Variants in CDK6 observed in about 807,000 individuals in gnomAD.
CDK6 encodes cyclin dependent kinase 6, also known as cyclin-dependent kinase 6.
Under a neutral mutation model 37.1 loss-of-function variants are expected in CDK6, and 6 were observed. That is an observed-to-expected ratio of 0.16 (90% CI 0.09 to 0.32). The LOEUF (loss-of-function observed/expected upper bound fraction) is 0.32. Ranked by LOEUF, CDK6 falls within the 10% of genes least tolerant of loss-of-function variation. The pLI is 1.00. For synonymous variants in CDK6, 160 were observed against 161.3 expected (o/e 0.99, Z 0.06); for missense variants, 224 against 418.9 (o/e 0.53, Z 4.06).
At chr7:92,632,347 C>T (rs1239701700) in intron 5 of CDK6, among the ~76,000 whole-genome samples, 1 of 152,066 alleles carries the variant, frequency 6.6e-6, no homozygotes, top group Non-Finnish European at 1.5e-5. Context: ...CAAAATGGAA[C>T]CAAAAGTATC....
At chr7:92,690,993 G>T (rs775742114) in intron 4 of CDK6, among the ~76,000 whole-genome samples, 9 of 152,228 alleles carry the variant, frequency 5.9e-5, no homozygotes, top group Admixed American at 3.3e-4. Flanking sequence ...TCACATTCAG[G>T]TAGTGGCTTT....
At chr7:92,701,294 T>C (rs1797835359) in intron 4 of CDK6, among the ~76,000 whole-genome samples, 1 of 152,230 alleles carries the variant, frequency 6.6e-6, no homozygotes, top group Non-Finnish European at 1.5e-5. Flanking sequence ...AAGTATATGT[T>C]GTAGAGATGC....
intron 6 of CDK6, among the ~76,000 whole-genome samples, chr7:92,621,409 G>A (rs1174205326): frequency 1.3e-5 from 2 of 152,096 alleles, no homozygotes; most frequent in Admixed American, 1.3e-4. Flanking sequence ...TGTTCCTTCT[G>A]GTCCATTTCA....
intron 5 of CDK6, among the ~76,000 whole-genome samples, chr7:92,668,305 G>C (rs1332534668): frequency 6.6e-6 from 1 of 152,098 alleles, no homozygotes. Flanking sequence ...GACAATGTTC[G>C]CAAAATGACA....
chr7:92,672,240 C>CATAT (rs1797105716), intron 4 of CDK6, among the ~76,000 whole-genome samples: 1 of 143,254 alleles, frequency 7.0e-6, no homozygotes, highest in East Asian at 2.2e-4. Context: ...CACACACACA[C>CATAT]ACATATATGA....
At chr7:92,787,268 G>C (rs1800168413) in intron 2 of CDK6, among the ~76,000 whole-genome samples, 1 of 149,714 alleles carries the variant, frequency 6.7e-6, no homozygotes, top group African/African-American at 2.5e-5. Flanking sequence ...TCTGCTATTT[G>C]CTCATCTAAA....
intron 4 of CDK6, among the ~76,000 whole-genome samples, chr7:92,674,087 C>CT (rs35748209): frequency 0.076 from 10,657 of 140,464 alleles, 499 homozygotes; most frequent in African/African-American, 0.14. Context: ...CCCCTTTCTT[C>CT]TTTTTTTTTT....
chr7:92,741,379 T>C (rs1665189574), intron 3 of CDK6, among the ~76,000 whole-genome samples: 1 of 152,244 alleles, frequency 6.6e-6, no homozygotes, highest in Admixed American at 6.5e-5. Flanking sequence ...AGTTTAAGTG[T>C]GTCCCATGCA....
At chr7:92,759,893 A>C (rs1187431738) in intron 3 of CDK6, among the ~76,000 whole-genome samples, 1 of 152,144 alleles carries the variant, frequency 6.6e-6, no homozygotes, top group Non-Finnish European at 1.5e-5. Flanking sequence ...TGCTGTTAGC[A>C]CTTCAAGTCT....
chr7:92,639,955 CT>C (rs1343227306), intron 5 of CDK6, among the ~76,000 whole-genome samples: 4 of 152,192 alleles, frequency 2.6e-5, no homozygotes, highest in Non-Finnish European at 5.9e-5. Context: ...TATAATTTTT[CT>C]GATTGCTCAT....
intron 2 of CDK6, among the ~76,000 whole-genome samples, chr7:92,779,027 T>G (rs1320350611): frequency 6.6e-6 from 1 of 151,262 alleles, no homozygotes; most frequent in Non-Finnish European, 1.5e-5. Flanking sequence ...AAAATACTGC[T>G]GAAACAAAAA....
intron 2 of CDK6, among the ~76,000 whole-genome samples, chr7:92,787,218 G>T (rs1800167087): frequency 1.3e-5 from 2 of 150,326 alleles, no homozygotes; most frequent in South Asian, 4.2e-4. Flanking sequence ...AATGTAGCCA[G>T]TGGCTATTTC....
At chr7:92,739,957 C>T (rs187269226) in intron 3 of CDK6, among the ~76,000 whole-genome samples, 177 of 152,164 alleles carry the variant, frequency 1.2e-3, no homozygotes, top group African/African-American at 4.2e-3. Flanking sequence ...CAGAGTCTTG[C>T]TATGTTGCCC....
intron 4 of CDK6, among the ~76,000 whole-genome samples, chr7:92,688,451 T>C (rs1175975798): frequency 1.3e-5 from 2 of 152,192 alleles, no homozygotes; most frequent in Non-Finnish European, 2.9e-5. Context: ...TGTGACTCAG[T>C]AGTTCAAGAC....
chr7:92,696,639 C>T (rs1797724174), intron 4 of CDK6, among the ~76,000 whole-genome samples: 1 of 151,944 alleles, frequency 6.6e-6, no homozygotes, highest in Non-Finnish European at 1.5e-5. Context: ...AAAACTGGTT[C>T]GATATGTCAG....
Position 92,607,760 on chromosome 7 carries a change from A to G in CDK6, c.*7380T>C. On this transcript the variant is annotated 3_prime_UTR_variant, in exon 8 of 8. Coordinates refer to ENST00000424848, the MANE Select transcript of CDK6 (RefSeq NM_001145306.2). ...CCTGTCAGGTGCTGTTCCTGGGGGT[A>G]GCTGATGCTATAAATTCCATGTACT... is the stretch of plus-strand genomic sequence containing the variant. The G allele has an allele frequency of 4.3e-6, 1 of 233,100 alleles. No homozygotes were observed. The highest frequency in any genetic ancestry group is 8.5e-6 in the Non-Finnish European group (1 of 117,952). The allele number at this position is 233,100 out of a possible 1,614,324, so 14.4% of individuals were successfully genotyped here.
At chr7:92,817,723 G>A (rs1421405187) in intron 2 of CDK6, among the ~76,000 whole-genome samples, 1 of 151,886 alleles carries the variant, frequency 6.6e-6, no homozygotes, top group Non-Finnish European at 1.5e-5. Context: ...TCTATTCTCA[G>A]ATGATGTGTC....
chr7:92,635,341 G>A (rs1585354425), intron 5 of CDK6, among the ~76,000 whole-genome samples: 1 of 152,144 alleles, frequency 6.6e-6, no homozygotes, highest in African/African-American at 2.4e-5. Context: ...ATGGAAAGGA[G>A]TATAGACCAG....
At chr7:92,806,607 G>C (rs1412251558) in intron 2 of CDK6, among the ~76,000 whole-genome samples, 1 of 152,168 alleles carries the variant, frequency 6.6e-6, no homozygotes, top group African/African-American at 2.4e-5. Flanking sequence ...GTCAGTTCAT[G>C]TTATAACATG....
Sources: allele counts gnomAD v4.1 joint callset (sites outside exome capture counted in the v4.1 genomes callset), GRCh38; gene constraint gnomAD v4.1.1; transcripts MANE v1.5; gene names NCBI Gene and HGNC (gene_info 2026-07-23, HGNC 2026-07-21).